The following RBFOX1 variants were observed in gnomAD, a reference collection of about 807,000 sequenced individuals.
The protein encoded by RBFOX1 is RNA binding fox-1 homolog 1.
In RBFOX1, 8 loss-of-function variants were observed where a neutral mutation model predicts 57.7. That is an observed-to-expected ratio of 0.14 (90% CI 0.08 to 0.25). The LOEUF (loss-of-function observed/expected upper bound fraction) is 0.25. RBFOX1 is among the 10% of genes least tolerant of loss of function. The probability of loss-of-function intolerance (pLI) is 1.00; values close to 1 mark genes in which losing one functional copy is unlikely to be tolerated. For missense variants in RBFOX1, 611 were observed against 548.5 expected (o/e 1.11, Z -1.14); for synonymous variants, 326 against 222.4 (o/e 1.47, Z -4.15).
chr16:5,845,552 G>C (rs970204226), intron 3 of RBFOX1, among the ~76,000 whole-genome samples: 13 of 152,196 alleles, frequency 8.5e-5, no homozygotes, highest in African/African-American at 2.7e-4. Context: ...CCTTGGTCCA[G>C]GTTGATGACC....
intron 1 of RBFOX1, among the ~76,000 whole-genome samples, chr16:6,274,384 G>C (rs1319927893): frequency 2.0e-5 from 3 of 152,182 alleles, no homozygotes; most frequent in Non-Finnish European, 4.4e-5. Flanking sequence ...GGAGTGGACT[G>C]TTGATAAATG....
intron 1 of RBFOX1, among the ~76,000 whole-genome samples, chr16:6,305,195 C>A (rs1215909924): frequency 6.6e-6 from 1 of 152,196 alleles, no homozygotes; most frequent in East Asian, 1.9e-4. Flanking sequence ...GAAGCATTCT[C>A]ATTGAGAGCA....
intron 4 of RBFOX1, among the ~76,000 whole-genome samples, chr16:7,079,561 T>G (rs2058838620): frequency 6.6e-6 from 1 of 152,186 alleles, no homozygotes; most frequent in South Asian, 2.1e-4. Flanking sequence ...TGGTGTCACA[T>G]CTGTTTCTCT....
At chr16:7,185,550 G>C (rs1180484834) in intron 4 of RBFOX1, among the ~76,000 whole-genome samples, 1 of 152,120 alleles carries the variant, frequency 6.6e-6, no homozygotes, top group East Asian at 1.9e-4. Context: ...ACACATTCTT[G>C]GCCAGATGGG....
chr16:5,503,157 G>C (rs893256043), intron 2 of RBFOX1, among the ~76,000 whole-genome samples: 2 of 152,210 alleles, frequency 1.3e-5, no homozygotes, highest in African/African-American at 4.8e-5. Flanking sequence ...TGACTGCTGT[G>C]TGACTTCCGG....
chr16:7,516,055 G>A (rs1449831574), intron 4 of RBFOX1, among the ~76,000 whole-genome samples: 4 of 152,164 alleles, frequency 2.6e-5, no homozygotes, highest in Non-Finnish European at 5.9e-5. Flanking sequence ...ATGTTGCCCA[G>A]TCTGGTCTCG....
chr16:5,739,494 C>T (rs1204708445), intron 3 of RBFOX1, among the ~76,000 whole-genome samples: 1 of 152,194 alleles, frequency 6.6e-6, no homozygotes, highest in African/African-American at 2.4e-5. Context: ...GAAAAGAAAG[C>T]ATAAGAGTAC....
chr16:5,281,893 G>A (rs2063280472), intron 1 of RBFOX1, among the ~76,000 whole-genome samples: 1 of 152,152 alleles, frequency 6.6e-6, no homozygotes, highest in South Asian at 2.1e-4. Context: ...CTTTTAGGTA[G>A]GTAATTTAAC....
At chr16:5,697,957 A>C (rs1226567676) in intron 3 of RBFOX1, among the ~76,000 whole-genome samples, 1 of 152,206 alleles carries the variant, frequency 6.6e-6, no homozygotes, top group African/African-American at 2.4e-5. Context: ...AGTAGGTATT[A>C]AGTTTTATGA....
chr16:5,586,193 C>A (rs151215283), intron 2 of RBFOX1, among the ~76,000 whole-genome samples: 3 of 152,104 alleles, frequency 2.0e-5, no homozygotes, highest in Non-Finnish European at 4.4e-5. Flanking sequence ...TCCCACAGAA[C>A]TTCTAGAAGG....
At chr16:6,830,125 C>T (rs980608427) in intron 3 of RBFOX1, among the ~76,000 whole-genome samples, 1 of 151,928 alleles carries the variant, frequency 6.6e-6, no homozygotes, top group Non-Finnish European at 1.5e-5. Context: ...CCATGTTGGC[C>T]AGGCTGGTCT....
At chr16:6,521,007 A>T (rs927659317) in intron 2 of RBFOX1, among the ~76,000 whole-genome samples, 1 of 152,180 alleles carries the variant, frequency 6.6e-6, no homozygotes, top group African/African-American at 2.4e-5. Flanking sequence ...TCCGAAGGGT[A>T]ATTTGTCAAT....
At chr16:6,405,034 T>G (rs1270184853) in intron 2 of RBFOX1, among the ~76,000 whole-genome samples, 5 of 152,122 alleles carry the variant, frequency 3.3e-5, no homozygotes, top group Non-Finnish European at 5.9e-5. Flanking sequence ...AATGAACTGC[T>G]AAGTATTTAT....
chr16:6,786,798 C>T (rs1415608986), intron 3 of RBFOX1, among the ~76,000 whole-genome samples: 2 of 152,080 alleles, frequency 1.3e-5, no homozygotes, highest in African/African-American at 2.4e-5. Flanking sequence ...CATGAGGTCA[C>T]ATCGAGGGTC....
At chr16:6,124,856 A>G (rs2096577758) in intron 1 of RBFOX1, among the ~76,000 whole-genome samples, 1 of 152,080 alleles carries the variant, frequency 6.6e-6, no homozygotes, top group African/African-American at 2.4e-5. Context: ...ACATCCAATT[A>G]TTTTTTAAAA....
chr16:6,902,257 A>T (rs746787553), intron 3 of RBFOX1, among the ~76,000 whole-genome samples: 3 of 152,152 alleles, frequency 2.0e-5, no homozygotes, highest in Non-Finnish European at 4.4e-5. Context: ...TTCTGTATTG[A>T]AGCCCCGTTT....
intron 4 of RBFOX1, among the ~76,000 whole-genome samples, chr16:7,461,570 A>G (rs946361645): frequency 3.3e-5 from 5 of 152,190 alleles, no homozygotes; most frequent in African/African-American, 1.2e-4. Flanking sequence ...AGAACTTAGA[A>G]TTGACATTCA....
At chr16:7,112,431 T>C (rs1332191854) in intron 4 of RBFOX1, among the ~76,000 whole-genome samples, 1 of 150,254 alleles carries the variant, frequency 6.7e-6, no homozygotes, top group African/African-American at 2.4e-5. Context: ...CAGGCTGAAC[T>C]CCTGGCCTCA....
intron 4 of RBFOX1, among the ~76,000 whole-genome samples, chr16:7,377,639 G>A (rs1392338392): frequency 6.6e-6 from 1 of 152,174 alleles, no homozygotes; most frequent in Non-Finnish European, 1.5e-5. Flanking sequence ...ATGTCTGAAA[G>A]ATGACTCATT....
Sources: gnomAD v4.1 joint callset for allele counts (sites outside exome capture counted in the v4.1 genomes callset) on GRCh38, gnomAD v4.1.1 for gene constraint, MANE v1.5 for transcripts, NCBI Gene and HGNC (gene_info 2026-07-23, HGNC 2026-07-21) for gene names.